The following MCTP2 variants were observed in gnomAD, a reference collection of about 807,000 sequenced individuals.
MCTP2 encodes multiple C2 and transmembrane domain containing 2, also known as multiple C2 and transmembrane domain-containing protein 2.
A neutral mutation model predicts 111.6 loss-of-function variants in MCTP2; 132 were observed. The ratio of observed to expected loss-of-function variants is 1.18; its 90% CI spans 1.03 to 1.37. The LOEUF (loss-of-function observed/expected upper bound fraction) is 1.37. MCTP2 is among the 40% of genes most tolerant of loss of function. The pLI, the probability that MCTP2 is intolerant of heterozygous loss-of-function variation, is 0.00. For synonymous variants in MCTP2, 395 were observed against 387.7 expected (o/e 1.02, Z -0.22); for missense variants, 1,183 against 1,067.9 (o/e 1.11, Z -1.50).
chr15:94,430,393 TCACA>T (rs35129445), intron 17 of MCTP2, among the ~76,000 whole-genome samples: 42,211 of 106,760 alleles, frequency 0.4, 8,254 homozygotes, highest in East Asian at 0.54. Flanking sequence ...CCAAAAACAA[TCACA>T]CACACACACA....
intron 17 of MCTP2, among the ~76,000 whole-genome samples, chr15:94,437,155 CA>C (rs11352999): frequency 0.22 from 15,432 of 69,850 alleles, 533 homozygotes; most frequent in African/African-American, 0.24. Flanking sequence ...CTTACACATC[CA>C]AAAAAAAAAA....
intron 17 of MCTP2, among the ~76,000 whole-genome samples, chr15:94,408,842 A>G (rs922875054): frequency 6.6e-6 from 1 of 152,228 alleles, no homozygotes; most frequent in African/African-American, 2.4e-5. Context: ...TAGCACAGCC[A>G]TATTCACATA....
rs1394202317 is a variant in MCTP2, at chr15:94,458,154, G to A, written c.2268G>A (p.Gly756=). 5.0e-6 allele frequency: 8 copies of A among 1,606,648 alleles called. No individual in the cohort carries two copies. The highest frequency in any genetic ancestry group is 1.3e-5 in the African/African-American group (1 of 74,760). Residue 756 remains glycine (G), a synonymous_variant, in exon 20 of 23, where the codon GGG becomes GGA. Transcript: ENST00000357742. ...DEDDKESEKK[G]LIERIYMVQD... is the part of the protein sequence containing the mutation. ...TTTTCTAGGAATCTGAGAAAAAGGG[G>A]TTGATTGAAAGAATCTATATGGTAC... is the stretch of plus-strand genomic sequence containing the variant.
intron 1 of MCTP2, among the ~76,000 whole-genome samples, chr15:94,284,894 A>G (rs1197720119): frequency 1.3e-5 from 2 of 152,212 alleles, no homozygotes; most frequent in Admixed American, 6.5e-5. Flanking sequence ...TTTTAAAAAG[A>G]TTAGGTAAGA....
intron 20 of MCTP2, among the ~76,000 whole-genome samples, chr15:94,463,985 T>G (rs1038679072): frequency 2.6e-5 from 4 of 151,660 alleles, no homozygotes; most frequent in Admixed American, 6.6e-5. Context: ...TTGTTTTTGC[T>G]TAGGATTTTT....
At chr15:94,237,440 A>ATT (rs34291691) in intron 1 of MCTP2, among the ~76,000 whole-genome samples, 32 of 146,202 alleles carry the variant, frequency 2.2e-4, no homozygotes, top group East Asian at 1.6e-3. Flanking sequence ...CTAAACTCGG[A>ATT]TTTTTTTTTT....
intron 1 of MCTP2, among the ~76,000 whole-genome samples, chr15:94,245,427 TATATTTATATATAC>T (rs2071833799): frequency 2.2e-5 from 3 of 137,492 alleles, no homozygotes; most frequent in East Asian, 2.1e-4. Context: ...CATGTGTGTA[TATATTTATATATAC>T]ACATATATGT....
At chr15:94,276,037 G>T (rs1023253493) in intron 1 of MCTP2, among the ~76,000 whole-genome samples, 3 of 151,848 alleles carry the variant, frequency 2.0e-5, no homozygotes, top group African/African-American at 7.3e-5. Context: ...GTAGAGATGG[G>T]ATTTCACCGT....
intron 19 of MCTP2, among the ~76,000 whole-genome samples, chr15:94,447,749 G>A (rs749431060): frequency 6.6e-5 from 10 of 152,122 alleles, no homozygotes; most frequent in Non-Finnish European, 1.5e-4. Context: ...TATGACATAA[G>A]CAGTGATATT....
chr15:94,345,236 C>A, intron 8 of MCTP2, 72 bp downstream of exon 8: 4 of 1,384,880 alleles, frequency 2.9e-6, no homozygotes, highest in African/African-American at 1.4e-5. Flanking sequence ...AAAATGACTG[C>A]ATGATAGATA....
rs755287019 is a variant in MCTP2, at chr15:94,267,869, C to CTTTTTTTTTTTTTTTTTTTTTTTTTTT, written c.-65-30318_-65-30317insTTTTTTTTTTTTTTTTTTTTTTTTTTT. Among the ~76,000 whole-genome samples the CTTTTTTTTTTTTTTTTTTTTTTTTTTT allele has an allele frequency of 3.5e-4, 27 of 77,452 alleles. 5 individuals are homozygous for CTTTTTTTTTTTTTTTTTTTTTTTTTTT. Among genetic ancestry groups the CTTTTTTTTTTTTTTTTTTTTTTTTTTT allele is most frequent in the African/African-American group, 1.4e-3 (24 of 17,430 alleles). 50.8% of individuals were successfully genotyped at this position (77,452 alleles called of 152,430 possible). ...GGTCTGGATTACTTTCCTTTTCTTT[C>CTTTTTTTTTTTTTTTTTTTTTTTTTTT]TTTTTTTTTTTTTTGAGACAGAGTC... On this transcript the variant is annotated intron_variant, in intron 1 of 22. Coordinates refer to ENST00000357742, the MANE Select transcript of MCTP2 (RefSeq NM_001385001.1).
At chr15:94,342,707 C>A (rs1242805671) in intron 7 of MCTP2, 1 of 151,066 alleles carries the variant, frequency 6.6e-6, no homozygotes, top group African/African-American at 2.4e-5. Context: ...TACACACATA[C>A]ATATATATCT....
intron 4 of MCTP2, among the ~76,000 whole-genome samples, chr15:94,328,266 C>T (rs1046073356): frequency 1.3e-5 from 2 of 151,584 alleles, no homozygotes; most frequent in Non-Finnish European, 2.9e-5. Context: ...GTAGCTGGGA[C>T]TACAGGTGCC....
At chr15:94,260,302 T>C (rs1371686881) in intron 1 of MCTP2, among the ~76,000 whole-genome samples, 1 of 152,196 alleles carries the variant, frequency 6.6e-6, no homozygotes, top group Non-Finnish European at 1.5e-5. Context: ...CTTTCCAGGC[T>C]GCAGTCTACC....
intron 19 of MCTP2, among the ~76,000 whole-genome samples, chr15:94,453,871 A>G (rs1161209242): frequency 6.6e-6 from 1 of 152,240 alleles, no homozygotes; most frequent in East Asian, 1.9e-4. Flanking sequence ...AGTATCCAAG[A>G]AAATCATTTC....
intron 1 of MCTP2, among the ~76,000 whole-genome samples, chr15:94,245,504 A>T (rs1341347774): frequency 7.1e-6 from 1 of 140,692 alleles, no homozygotes; most frequent in Non-Finnish European, 1.5e-5. Context: ...GTATTTATAT[A>T]TGTATACATA....
intron 1 of MCTP2, among the ~76,000 whole-genome samples, chr15:94,285,835 A>G (rs1318508178): frequency 1.3e-5 from 2 of 152,236 alleles, no homozygotes; most frequent in Non-Finnish European, 2.9e-5. Context: ...GTCATTAACC[A>G]GAGAAGATAG....
chr15:94,345,267 A>G (rs2077912403), intron 8 of MCTP2, 103 bp downstream of exon 8: 1 of 1,155,724 alleles, frequency 8.7e-7, no homozygotes, highest in South Asian at 1.3e-5. Flanking sequence ...TTTACATCAA[A>G]CAGAATTCTT....
In MCTP2 at chr15:94,458,229, T is replaced by C. The variant is rs1232143665; in HGVS notation, c.2343T>C (p.Phe781=). 1 of 1,602,648 alleles carries C rather than the reference T, an allele frequency of 6.2e-7. No individual in the cohort carries two copies. The highest frequency in any genetic ancestry group is 1.1e-5 in the South Asian group (1 of 90,828). ...VQNVLEEIAS[F]GERIKNTFNW... is the part of the protein sequence containing the mutation. Reference sequence around the variant, plus strand: ...ACGTCTTGGAGGAAATAGCTTCTTTTGGAGAAAGGATTAAGAAGTAAGTTC... The same window carrying C: ...ACGTCTTGGAGGAAATAGCTTCTTTCGGAGAAAGGATTAAGAAGTAAGTTC... The change falls in exon 20 of 23, where the codon TTT becomes TTC. Residue 781 remains phenylalanine (F), a synonymous_variant. Transcript: ENST00000357742.
Sources: allele counts gnomAD v4.1 joint callset (sites outside exome capture counted in the v4.1 genomes callset), GRCh38; gene constraint gnomAD v4.1.1; transcripts MANE v1.5; gene names NCBI Gene and HGNC (gene_info 2026-07-23, HGNC 2026-07-21).